The following TENM4 variants were observed in gnomAD, a reference collection of about 807,000 sequenced individuals.
TENM4 encodes the protein teneurin-4.
Under a neutral mutation model 243.3 loss-of-function variants are expected in TENM4, and 82 were observed. The ratio of observed to expected loss-of-function variants is 0.34; its 90% CI spans 0.28 to 0.40. The LOEUF is 0.40. Among genes scored for constraint, TENM4 ranks in the 10% least tolerant of loss-of-function variants. TENM4 has a pLI of 1.00. For missense variants in TENM4, 3,138 were observed against 3,673.3 expected (o/e 0.85, Z 3.77); for synonymous variants, 1,412 against 1,456.3 (o/e 0.97, Z 0.69).
rs115430997 is a variant in TENM4 at position 79,112,906 on chromosome 11, C to G, written c.-66+35804G>C. 4.2e-3 allele frequency among the ~76,000 whole-genome samples: 643 copies of G among 152,274 alleles called. 7 individuals carry two copies. Among genetic ancestry groups the G allele is most frequent in the African/African-American group, 0.014 (597 of 41,558 alleles). The stretch of plus-strand genomic sequence containing the variant: ...ACTTCAAATGTCCTCTCTGCACCAA[C>G]AAGCCGTTCATATTGACAAAGGCAG... On this transcript the variant is annotated intron_variant, in intron 4 of 33. Transcript: ENST00000278550.
At chr11:78,814,246 G>A (rs1470449583) in intron 13 of TENM4, 48 bp downstream of exon 13, 2 of 1,520,792 alleles carry the variant, frequency 1.3e-6, no homozygotes, top group South Asian at 1.2e-5. Flanking sequence ...TGAGCTGCCT[G>A]AGGGGTCTGG....
intron 12 of TENM4, among the ~76,000 whole-genome samples, chr11:78,823,585 T>G (rs903112076): frequency 2.0e-5 from 3 of 151,872 alleles, no homozygotes; most frequent in Admixed American, 6.6e-5. Flanking sequence ...GAGAGAAAGC[T>G]CATGAATGGA....
rs1387211629 is a variant in TENM4 at position 79,387,130 on chromosome 11, G to A, written c.-321+53379C>T. Among the ~76,000 whole-genome samples, 8 of 152,304 alleles carry A rather than the reference G, an allele frequency of 5.3e-5. No individual in the cohort carries two copies. The East Asian group carries it at 1.3e-3, about 26-fold the overall frequency. ...ATAAATCTCACAAACACAATGTTGA[G>A]TAAAAGGAGCAGACAAAAAAGAGTA... is the stretch of plus-strand genomic sequence containing the variant. On this transcript the variant is annotated intron_variant, in intron 1 of 33. Coordinates refer to ENST00000278550, the MANE Select transcript of TENM4 (RefSeq NM_001098816.3).
At chr11:78,948,095 C>A (rs559681072) in intron 6 of TENM4, among the ~76,000 whole-genome samples, 2 of 152,282 alleles carry the variant, frequency 1.3e-5, no homozygotes, top group Admixed American at 6.5e-5. Context: ...AAAATCTCAA[C>A]CCTAAGGAAA....
intron 32 of TENM4, among the ~76,000 whole-genome samples, chr11:78,663,450 C>T (rs1858079091): frequency 6.6e-6 from 1 of 152,146 alleles, no homozygotes; most frequent in East Asian, 1.9e-4. Flanking sequence ...TCATGAATGG[C>T]TTGGTGACCT....
At chr11:78,996,721 G>A (rs531570521) in intron 6 of TENM4, among the ~76,000 whole-genome samples, 2 of 152,268 alleles carry the variant, frequency 1.3e-5, no homozygotes, top group East Asian at 3.9e-4. Flanking sequence ...TTAGCATGGA[G>A]TCAAGGTGAG....
At chr11:79,347,763 T>C (rs912086842) in intron 1 of TENM4, among the ~76,000 whole-genome samples, 6 of 41,336 alleles carry the variant, frequency 1.5e-4, no homozygotes, top group South Asian at 9.0e-4. Flanking sequence ...TATCCTCTCC[T>C]TTTTTTTTTT....
At chr11:78,833,311 C>A (rs1208072534) in intron 12 of TENM4, among the ~76,000 whole-genome samples, 1 of 152,186 alleles carries the variant, frequency 6.6e-6, no homozygotes, top group African/African-American at 2.4e-5. Flanking sequence ...TGTGCTTATA[C>A]AGCAATTTTT....
Position 79,440,698 on chromosome 11 carries a change from G to C in TENM4, c.-510C>G, listed in dbSNP as rs1325355786. On this transcript the variant is annotated 5_prime_UTR_variant, in exon 1 of 34. Coordinates refer to ENST00000278550, the MANE Select transcript of TENM4 (RefSeq NM_001098816.3). This position sits in a 1 kb window ranked among gnomAD's most constrained non-coding sequence, Gnocchi z 4.7. ...AGCGAGACCAACAATAGCTCCCGCGGGGAGCGGAGCCCCAGCGAGCCTCCA... is the reference window on the plus strand; with the variant it reads ...AGCGAGACCAACAATAGCTCCCGCGCGGAGCGGAGCCCCAGCGAGCCTCCA... 6.6e-6 allele frequency: 1 copy of C among 152,182 alleles called. No individual in the cohort carries two copies. The allele number at this position is 152,182 out of a possible 1,614,324, so 9.4% of individuals were successfully genotyped here.
intron 4 of TENM4, among the ~76,000 whole-genome samples, chr11:79,080,889 C>G (rs1343886623): frequency 6.6e-6 from 1 of 152,162 alleles, no homozygotes; most frequent in Non-Finnish European, 1.5e-5. Context: ...CTGACTTTCT[C>G]TGGGCTTATT....
intron 2 of TENM4, among the ~76,000 whole-genome samples, chr11:79,250,222 A>G (rs1855586671): frequency 6.6e-6 from 1 of 152,208 alleles, no homozygotes. Context: ...TCTGGTCTCA[A>G]GTGATCTGCC....
intron 4 of TENM4, among the ~76,000 whole-genome samples, chr11:79,111,365 G>A (rs1861502380): frequency 6.6e-6 from 1 of 152,152 alleles, no homozygotes; most frequent in Admixed American, 6.5e-5. Context: ...CTAACACGGT[G>A]AAACCGCATC....
intron 1 of TENM4, among the ~76,000 whole-genome samples, chr11:79,432,987 A>G (rs1859199981): frequency 6.6e-6 from 1 of 152,130 alleles, no homozygotes; most frequent in Admixed American, 6.5e-5. Flanking sequence ...TCCATCTCCT[A>G]TAGGATCACA....
intron 2 of TENM4, among the ~76,000 whole-genome samples, chr11:79,229,766 C>G (rs1430815591): frequency 6.6e-6 from 1 of 152,188 alleles, no homozygotes; most frequent in South Asian, 2.1e-4. Context: ...GCTTGACACA[C>G]AGCAGGCACT....
chr11:79,003,669 A>G (rs1283383952), intron 6 of TENM4, among the ~76,000 whole-genome samples: 2 of 152,180 alleles, frequency 1.3e-5, no homozygotes, highest in Non-Finnish European at 2.9e-5. Context: ...ATGGAAAGAC[A>G]AGATGGTTAC....
chr11:78,659,639 C>T (rs888540633), intron 33 of TENM4, among the ~76,000 whole-genome samples: 3 of 152,186 alleles, frequency 2.0e-5, no homozygotes, highest in Non-Finnish European at 4.4e-5. Flanking sequence ...GTTATTAACC[C>T]TCCCACCCTG....
At chr11:79,004,941 C>CAAA (rs58631195) in intron 6 of TENM4, among the ~76,000 whole-genome samples, 7 of 87,798 alleles carry the variant, frequency 8.0e-5, no homozygotes, top group Non-Finnish European at 1.2e-4. Context: ...ATAGAAATAC[C>CAAA]AAAAAAAAAA....
intron 19 of TENM4, among the ~76,000 whole-genome samples, chr11:78,745,227 C>CTTTTTT (rs1783943): frequency 8.6e-5 from 11 of 128,044 alleles, no homozygotes; most frequent in Admixed American, 1.6e-4. Context: ...TTTTCTTTTT[C>CTTTTTT]TTTTTTTTTT....
chr11:78,844,370 G>A (rs1330696381), intron 12 of TENM4, among the ~76,000 whole-genome samples: 2 of 152,334 alleles, frequency 1.3e-5, no homozygotes, highest in Non-Finnish European at 2.9e-5. Flanking sequence ...AAGGCCGGGT[G>A]CGGTGGCTCA....
Sources: allele counts gnomAD v4.1 joint callset (sites outside exome capture counted in the v4.1 genomes callset), GRCh38; gene constraint gnomAD v4.1.1; non-coding constraint Gnocchi (gnomAD v3.1); transcripts MANE v1.5; gene names NCBI Gene and HGNC (gene_info 2026-07-23, HGNC 2026-07-21).